Variants in STYXL2 observed in about 807,000 individuals in gnomAD.
STYXL2 encodes serine/threonine/tyrosine-interacting-like protein 2.
STYXL2 carries 44 observed loss-of-function variants against 52.4 expected under a neutral mutation model. The observed-to-expected ratio is 0.84, with a 90% CI of 0.66 to 1.08. The LOEUF (loss-of-function observed/expected upper bound fraction) is 1.08, where lower values mean the gene tolerates loss of function less well. Ranked by LOEUF, STYXL2 falls within the 50% of genes least tolerant of loss-of-function variation. The pLI is 0.00. For missense variants in STYXL2, 1,604 were observed against 1,471.7 expected, an observed-to-expected ratio of 1.09 and a Z score of -1.47; for synonymous variants, 604 against 586.9, an observed-to-expected ratio of 1.03 and a Z score of -0.42.
intron 2 of STYXL2, among the ~76,000 whole-genome samples, chr1:167,095,493 T>C (rs1399561155): frequency 6.6e-6 from 1 of 152,210 alleles, no homozygotes; most frequent in Non-Finnish European, 1.5e-5. Context: ...CCAAGAGGCA[T>C]GAGGCATCTT....
intron 2 of STYXL2, among the ~76,000 whole-genome samples, chr1:167,105,147 C>G (rs202090836): frequency 2.0e-5 from 3 of 151,086 alleles, no homozygotes; most frequent in African/African-American, 7.3e-5. Flanking sequence ...CCCTTCCTTC[C>G]TTCTTTCCTT....
At chr1:167,125,737 A>G in intron 5 of STYXL2, 50 bp from the exon 6 acceptor site, 1 of 1,531,560 alleles carries the variant, frequency 6.5e-7, no homozygotes, top group African/African-American at 1.4e-5. Context: ...CAAGAACACT[A>G]CAAGGAAGCC....
rs779575347 is a variant in STYXL2 at position 167,117,341 on chromosome 1, G to A, written c.219G>A (p.Pro73=). The A allele has an allele frequency of 2.9e-5, 47 of 1,608,122 alleles. No homozygotes were observed. Among genetic ancestry groups the A allele is most frequent in the Admixed American group, 5.1e-5 (3 of 59,332 alleles). Residue 73 remains proline (P), a synonymous_variant, in exon 4 of 6, where the codon CCG becomes CCA. Transcript: ENST00000361200. ...TGTCTCCTCTAGAACTCAAGCCACC[G>A]GGGGTCAGAGCAGACGCAGAGTGTC... The part of the protein sequence containing the change: ...KQIINEELKP[P]GVRADAECPG...
chr1:167,103,629 C>A (rs1232653720), intron 2 of STYXL2, among the ~76,000 whole-genome samples: 5 of 152,190 alleles, frequency 3.3e-5, no homozygotes, highest in South Asian at 2.1e-4. Context: ...TCAAACCTAG[C>A]CACTATGAGT....
chr1:167,110,580 T>C (rs750053602), intron 2 of STYXL2, among the ~76,000 whole-genome samples: 1 of 152,058 alleles, frequency 6.6e-6, no homozygotes, highest in Non-Finnish European at 1.5e-5. Flanking sequence ...AAATACAAAA[T>C]ACACTGGAAA....
chr1:167,125,078 A>G (rs1378704031), intron 5 of STYXL2, among the ~76,000 whole-genome samples: 1 of 152,250 alleles, frequency 6.6e-6, no homozygotes, highest in Non-Finnish European at 1.5e-5. Flanking sequence ...AAAGAAAAAT[A>G]TATATATTTC....
At chr1:167,104,117 T>C (rs1417831743) in intron 2 of STYXL2, among the ~76,000 whole-genome samples, 1 of 152,036 alleles carries the variant, frequency 6.6e-6, no homozygotes. Flanking sequence ...AGACTCTGTC[T>C]TGAAAAAAAA....
At chr1:167,118,437 G>C (rs182928391) in intron 4 of STYXL2, among the ~76,000 whole-genome samples, 48 of 152,250 alleles carry the variant, frequency 3.2e-4, no homozygotes, top group Admixed American at 2.2e-3. Flanking sequence ...TTGAACAGTG[G>C]GTCTTATCTT....
intron 2 of STYXL2, 47 bp downstream of exon 2, chr1:167,095,006 G>C (rs761541202): frequency 2.7e-6 from 4 of 1,461,858 alleles, no homozygotes; most frequent in Non-Finnish European, 3.8e-6. Flanking sequence ...GCTGGGAGGG[G>C]CTGGGGACAG....
Position 167,126,968 on chromosome 1 carries a change from A to G in STYXL2, c.1837A>G (p.Lys613Glu). The G allele has an allele frequency of 6.2e-7, 1 of 1,610,528 alleles. No individual in the cohort carries two copies. The highest frequency in any genetic ancestry group is 8.5e-7 in the Non-Finnish European group (1 of 1,178,270). The change falls in exon 6 of 6, where the codon AAG (lysine) becomes GAG (glutamate). Residue 613 changes from lysine to glutamate, a missense_variant. Physicochemically the swap from Lys to Glu is moderately conservative, Grantham distance 56 (BLOSUM62 1). Coordinates refer to ENST00000361200, the MANE Select transcript of STYXL2 (RefSeq NM_001080426.3). ...CAAGGAGGAGGTGGTGGAGCTCAGC[A>G]AGGGGGAGGACTCGGCCTTGGCTAA... Reference protein sequence around the residue: ...ENKEEVVELSKGEDSALAKKR... With the variant: ...ENKEEVVELSEGEDSALAKKR...
chr1:167,126,992 A>C lies in STYXL2; in HGVS notation c.1861A>C (p.Lys621Gln), dbSNP rs746051072. 3 of 1,608,222 alleles carry C rather than the reference A, an allele frequency of 1.9e-6. No individual in the cohort carries two copies. Among genetic ancestry groups the C allele is most frequent in the South Asian group, 2.2e-5 (2 of 90,116 alleles). The part of the protein sequence containing the change: ...LSKGEDSALA[K>Q]KRQRRLELLE... ...CAAGGGGGAGGACTCGGCCTTGGCT[A>C]AGAAGAGACAACGGAGGCTGGAGCT... Residue 621 changes from lysine (K) to glutamine (Q), a missense_variant, in exon 6 of 6, where the codon AAG becomes CAG. Lys to Gln is a moderately conservative substitution (Grantham distance 53). Coordinates refer to ENST00000361200, the MANE Select transcript of STYXL2 (RefSeq NM_001080426.3).
At position 167,128,587 on chromosome 1, in the gene STYXL2, G is replaced by T. The variant is rs762497291; in HGVS notation, c.3456G>T (p.Leu1152=). 4.2e-5 allele frequency: 68 copies of T among 1,612,484 alleles called. No homozygotes were observed. Among genetic ancestry groups the T allele is most frequent in the Non-Finnish European group, 5.7e-5 (67 of 1,179,808 alleles). Residue 1152 remains leucine, a synonymous_variant, in exon 6 of 6, where the codon CTG becomes CTT. Coordinates refer to ENST00000361200, the MANE Select transcript of STYXL2 (RefSeq NM_001080426.3). ...RRRQEETRTK[L]QKRRED is the part of the protein sequence containing the mutation. ...GGCAAGAAGAAACCAGGACCAAGCTGCAGAAAAGGAGGGAGGACTGAGCTG... is the reference window on the plus strand; with the variant it reads ...GGCAAGAAGAAACCAGGACCAAGCTTCAGAAAAGGAGGGAGGACTGAGCTG...
chr1:167,126,977 G>C lies in STYXL2; in HGVS notation c.1846G>C (p.Asp616His). ...EEVVELSKGE[D>H]SALAKKRQRR... The stretch of plus-strand genomic sequence containing the variant: ...GGTGGTGGAGCTCAGCAAGGGGGAG[G>C]ACTCGGCCTTGGCTAAGAAGAGACA... Residue 616 changes from aspartate to histidine, a missense_variant, in exon 6 of 6, where the codon GAC becomes CAC. Asp to His is a moderately conservative substitution (Grantham distance 81, BLOSUM62 -1). Transcript: ENST00000361200. The C allele has an allele frequency of 6.2e-7, 1 of 1,609,712 alleles. No individual in the cohort carries two copies. Among genetic ancestry groups the C allele is most frequent in the South Asian group, 1.1e-5 (1 of 90,302 alleles).
At chr1:167,122,403 A>G (rs568953835) in intron 5 of STYXL2, among the ~76,000 whole-genome samples, 3 of 152,166 alleles carry the variant, frequency 2.0e-5, no homozygotes, top group East Asian at 3.9e-4. Flanking sequence ...CCTCAGTCCC[A>G]TTTCCAAATT....
At chr1:167,103,636 G>A (rs1035988776) in intron 2 of STYXL2, among the ~76,000 whole-genome samples, 1 of 152,186 alleles carries the variant, frequency 6.6e-6, no homozygotes, top group African/African-American at 2.4e-5. Flanking sequence ...TAGCCACTAT[G>A]AGTCACTCTC....
In STYXL2 at chr1:167,126,351, G is replaced by A. The variant is rs201292191; in HGVS notation, c.1220G>A (p.Gly407Glu). 59 of 1,536,832 alleles carry A rather than the reference G, an allele frequency of 3.8e-5. No individual in the cohort carries two copies. In the African/African-American group the frequency reaches 7.0e-4, roughly 18 times the overall value. ...QSRNERYQAEGYRRWGREEEK... is the reference protein window; with the variant it reads ...QSRNERYQAEEYRRWGREEEK... ...CGAAACGAGAGGTACCAAGCAGAAG[G>A]GTACCGGAGGTGGGGAAGGGAGGAG... The change falls in exon 6 of 6, where the codon GGG becomes GAG. Residue 407 changes from glycine (G) to glutamate (E), a missense_variant. By Grantham distance (98) the Gly-to-Glu change is moderately conservative. Transcript: ENST00000361200.
At chr1:167,104,099 A>T (rs1381312469) in intron 2 of STYXL2, among the ~76,000 whole-genome samples, 2 of 151,824 alleles carry the variant, frequency 1.3e-5, no homozygotes, top group Admixed American at 6.6e-5. Context: ...AGCCTGGGGG[A>T]CAGAGCCAGA....
Position 167,127,858 on chromosome 1 carries a change from A to T in STYXL2, c.2727A>T (p.Thr909=), listed in dbSNP as rs1668009809. ...GCAGTAATTCCCAGAAACCTGAAAC[A>T]GACACATGCTCCTCCCTGGCTGTCT... ...SSRSNSQKPE[T]DTCSSLAVCD... The change falls in exon 6 of 6, where the codon ACA becomes ACT. Residue 909 remains threonine (T), a synonymous_variant. Coordinates refer to ENST00000361200, the MANE Select transcript of STYXL2 (RefSeq NM_001080426.3). 2.5e-6 allele frequency: 4 copies of T among 1,613,868 alleles called. No homozygotes were observed. Among genetic ancestry groups the T allele is most frequent in the Non-Finnish European group, 3.4e-6 (4 of 1,180,042 alleles).
In STYXL2 at chr1:167,100,869, T is replaced by C. The variant is rs77049535; in HGVS notation, c.110+5910T>C. Among the ~76,000 whole-genome samples, 466 of 152,380 alleles carry C rather than the reference T, an allele frequency of 3.1e-3. 2 individuals carry two copies. Among genetic ancestry groups the C allele is most frequent in the African/African-American group, 0.011 (450 of 41,594 alleles). ...AAGGCAAACATGTGGTGGCACTTCA[T>C]AGGCTATCTCTTCCCACAATGGCCT... On this transcript the variant is annotated intron_variant, in intron 2 of 5. Coordinates refer to ENST00000361200, the MANE Select transcript of STYXL2 (RefSeq NM_001080426.3).
Sources: allele counts gnomAD v4.1 joint callset (sites outside exome capture counted in the v4.1 genomes callset), GRCh38; gene constraint gnomAD v4.1.1; transcripts MANE v1.5; gene names NCBI Gene and HGNC (gene_info 2026-07-23, HGNC 2026-07-21).